The following PDE4B variants were observed in gnomAD, a reference collection of about 807,000 sequenced individuals.
PDE4B encodes phosphodiesterase 4B, also known as 3',5'-cyclic-AMP phosphodiesterase 4B.
A neutral mutation model predicts 82.2 loss-of-function variants in PDE4B; 20 were observed. The ratio of observed to expected loss-of-function variants is 0.24; its 90% confidence interval spans 0.17 to 0.35. The LOEUF (loss-of-function observed/expected upper bound fraction) is 0.35. Among genes scored for constraint, PDE4B ranks in the 10% least tolerant of loss-of-function variants. The pLI, the probability that PDE4B is intolerant of heterozygous loss-of-function variation, is 1.00. For synonymous variants in PDE4B, 320 were observed against 318.9 expected (o/e 1.00, Z -0.04); for missense variants, 655 against 907.2 (o/e 0.72, Z 3.57).
chr1:65,997,526 A>G (rs2503184), intron 3 of PDE4B, among the ~76,000 whole-genome samples: 14,472 of 152,228 alleles, frequency 0.095, 849 homozygotes, highest in Admixed American at 0.18. Flanking sequence ...AACTGCCGAC[A>G]TGCTTGCTGT....
chr1:65,958,462 CAAT>C (rs1374713509), intron 3 of PDE4B, among the ~76,000 whole-genome samples: 1 of 151,880 alleles, frequency 6.6e-6, no homozygotes, highest in Non-Finnish European at 1.5e-5. Flanking sequence ...TAAAAAGTAT[CAAT>C]GATATGGTAG....
At chr1:66,355,250 G>T (rs1000317773) in intron 8 of PDE4B, 13 of 374,824 alleles carry the variant, frequency 3.5e-5, no homozygotes, top group South Asian at 9.2e-5. Context: ...GTTTCAAGTG[G>T]AATTATCTTG....
chr1:66,090,377 C>G (rs1644988009), intron 3 of PDE4B, among the ~76,000 whole-genome samples: 1 of 151,530 alleles, frequency 6.6e-6, no homozygotes, highest in South Asian at 2.1e-4. Flanking sequence ...CAATAATGTA[C>G]CATCAAGGGC....
intron 7 of PDE4B, among the ~76,000 whole-genome samples, chr1:66,285,665 A>G (rs1020141830): frequency 1.3e-5 from 2 of 152,052 alleles, no homozygotes; most frequent in Non-Finnish European, 2.9e-5. Context: ...TTGCTGTGAA[A>G]GATACCATTT....
chr1:65,886,112 C>A (rs1228507227), intron 1 of PDE4B, among the ~76,000 whole-genome samples: 1 of 150,962 alleles, frequency 6.6e-6, no homozygotes, highest in Admixed American at 6.6e-5. Context: ...TTTGAAATGA[C>A]ATTTGTATAT....
chr1:65,811,126 C>T (rs565662633), intron 1 of PDE4B, among the ~76,000 whole-genome samples: 1 of 152,168 alleles, frequency 6.6e-6, no homozygotes, highest in Admixed American at 6.5e-5. Context: ...GAGGAAATCA[C>T]CTGAAGTTGA....
chr1:66,223,294 G>A (rs770686154), intron 3 of PDE4B, among the ~76,000 whole-genome samples: 26 of 152,126 alleles, frequency 1.7e-4, no homozygotes, highest in Admixed American at 4.6e-4. Context: ...CACCCTCAAG[G>A]AGGTGATGTC....
At chr1:66,172,346 C>T (rs887968226) in intron 3 of PDE4B, among the ~76,000 whole-genome samples, 1 of 152,158 alleles carries the variant, frequency 6.6e-6, no homozygotes, top group Admixed American at 6.5e-5. Context: ...TTATCCAATT[C>T]ACTGTGAATG....
intron 6 of PDE4B, among the ~76,000 whole-genome samples, chr1:66,262,138 G>A (rs537171167): frequency 3.9e-5 from 6 of 152,110 alleles, no homozygotes; most frequent in South Asian, 4.1e-4. Flanking sequence ...AATTTTTTTA[G>A]TGCATATCTA....
intron 7 of PDE4B, among the ~76,000 whole-genome samples, chr1:66,288,866 G>T (rs1431076630): frequency 6.6e-6 from 1 of 152,182 alleles, no homozygotes; most frequent in African/African-American, 2.4e-5. Context: ...CTTGGCACCA[G>T]TTTCTGGGAG....
intron 3 of PDE4B, among the ~76,000 whole-genome samples, chr1:66,133,571 T>G (rs1370693806): frequency 6.6e-6 from 1 of 152,206 alleles, no homozygotes; most frequent in Non-Finnish European, 1.5e-5. Flanking sequence ...AACCTTGTCT[T>G]GAGTCATTGA....
intron 7 of PDE4B, among the ~76,000 whole-genome samples, chr1:66,278,054 T>C (rs904152832): frequency 6.6e-6 from 1 of 152,258 alleles, no homozygotes; most frequent in Non-Finnish European, 1.5e-5. Flanking sequence ...ATATTAGTTG[T>C]TTTTAATATA....
rs115539791 is a variant in PDE4B, at chr1:65,943,834, T to G, written c.281+24999T>G. 8.9e-3 allele frequency among the ~76,000 whole-genome samples: 1,354 copies of G among 152,156 alleles called. 16 individuals carry two copies. Among genetic ancestry groups the G allele is most frequent in the African/African-American group, 0.031 (1,292 of 41,546 alleles). On this transcript the variant is annotated intron_variant, in intron 3 of 16. Coordinates refer to ENST00000341517, the MANE Select transcript of PDE4B (RefSeq NM_002600.4). ...GAAATGCTACTGATTTATATGTTGA[T>G]TTTATATACTGAAACTTTACCGAAT...
chr1:66,370,083 G>A lies in PDE4B; in HGVS notation c.1845+1114G>A, dbSNP rs948680424. On this transcript the variant is annotated intron_variant, in intron 16 of 16. Coordinates refer to ENST00000341517, the MANE Select transcript of PDE4B (RefSeq NM_002600.4). ...GGAAAATTGCTTGAACCCAGGAGGCGGACGTTGCAGTGAGCTGAGATTGTG... is the reference window on the plus strand; with the variant it reads ...GGAAAATTGCTTGAACCCAGGAGGCAGACGTTGCAGTGAGCTGAGATTGTG... Among the ~76,000 whole-genome samples, 11 of 149,344 alleles carry A rather than the reference G, an allele frequency of 7.4e-5. No homozygotes were observed. In the East Asian group the frequency reaches 9.8e-4, roughly 13 times the overall value.
chr1:65,921,721 G>A (rs1445797815), intron 3 of PDE4B, among the ~76,000 whole-genome samples: 1 of 152,204 alleles, frequency 6.6e-6, no homozygotes. Context: ...CAGCAGGCTG[G>A]ATTTGGCCTG....
chr1:66,261,240 T>A (rs1423128420), intron 6 of PDE4B, among the ~76,000 whole-genome samples: 7 of 152,180 alleles, frequency 4.6e-5, no homozygotes, highest in African/African-American at 1.2e-4. Flanking sequence ...CACTCCATTT[T>A]ATTTCTAGAT....
Position 66,372,710 on chromosome 1 carries a change from T to C in PDE4B, c.*32T>C. The C allele has an allele frequency of 6.3e-6, 10 of 1,582,434 alleles. No individual in the cohort carries two copies. Among genetic ancestry groups the C allele is most frequent in the Non-Finnish European group, 8.6e-6 (10 of 1,162,900 alleles). On this transcript the variant is annotated 3_prime_UTR_variant, in exon 17 of 17. Coordinates refer to ENST00000341517, the MANE Select transcript of PDE4B (RefSeq NM_002600.4). ...TCTCCCTGTGGAGATGAACATTCTA[T>C]CCTTGATGAGCATGCCAGCTATGTG... is the stretch of plus-strand genomic sequence containing the variant.
intron 3 of PDE4B, among the ~76,000 whole-genome samples, chr1:66,069,510 T>C (rs1349427476): frequency 2.6e-5 from 4 of 152,012 alleles, no homozygotes; most frequent in Non-Finnish European, 5.9e-5. Flanking sequence ...ACAGTTAGTT[T>C]TGCATTATAC....
intron 7 of PDE4B, among the ~76,000 whole-genome samples, chr1:66,304,435 C>T (rs1212250779): frequency 6.6e-6 from 1 of 152,106 alleles, no homozygotes; most frequent in Non-Finnish European, 1.5e-5. Context: ...GAAATCTTTC[C>T]TATGTTCTCC....
Sources: allele counts gnomAD v4.1 joint callset (sites outside exome capture counted in the v4.1 genomes callset), GRCh38; gene constraint gnomAD v4.1.1; transcripts MANE v1.5; gene names NCBI Gene and HGNC (gene_info 2026-07-23, HGNC 2026-07-21).